The following POU2F3 variants were observed in gnomAD, a reference collection of about 807,000 sequenced individuals.
POU2F3 encodes POU domain, class 2, transcription factor 3.
A neutral mutation model predicts 59.2 loss-of-function variants in POU2F3; 23 were observed. The ratio of observed to expected loss-of-function variants is 0.39; its 90% confidence interval spans 0.28 to 0.55. POU2F3 has a LOEUF of 0.55. Among genes scored for constraint, POU2F3 ranks in the 20% least tolerant of loss-of-function variants. The pLI is 0.66. For synonymous variants in POU2F3, 190 were observed against 214.6 expected, an observed-to-expected ratio of 0.89 and a Z score of 1.00; for missense variants, 473 against 544.5, an observed-to-expected ratio of 0.87 and a Z score of 1.31.
At chr11:120,240,066 T>C (rs10892553), upstream of POU2F3, 260,131 of 1,098,322 alleles carry the variant, frequency 0.24, 39,649 homozygotes, top group East Asian at 0.77. Flanking sequence ...TGCATGGGCC[T>C]GGGGCCAGGC....
chr11:120,272,868 C>T (rs1184007916), intron 3 of POU2F3, among the ~76,000 whole-genome samples: 6 of 151,976 alleles, frequency 3.9e-5, no homozygotes, highest in African/African-American at 1.5e-4. Flanking sequence ...GCTGTCTGTC[C>T]CTCACTAGTT....
chr11:120,252,228 A>C (rs1296948143), intron 2 of POU2F3, among the ~76,000 whole-genome samples: 12 of 125,122 alleles, frequency 9.6e-5, no homozygotes, highest in Non-Finnish European at 1.3e-4. Flanking sequence ...TTTTTTTGAG[A>C]TGGAGTCTTG....
intron 10 of POU2F3, among the ~76,000 whole-genome samples, 176 bp from the exon 11 acceptor site, chr11:120,315,185 C>T (rs536935645): frequency 2.6e-5 from 4 of 152,296 alleles, no homozygotes; most frequent in African/African-American, 9.6e-5. Flanking sequence ...TTCTGGATGC[C>T]AGTATGTGGT....
At chr11:120,240,053 CT>C, upstream of POU2F3, 6 of 1,063,560 alleles carry the variant, frequency 5.6e-6, no homozygotes, top group South Asian at 2.8e-4. Flanking sequence ...CAAATCACTG[CT>C]TTGCATGGGC....
chr11:120,269,371 A>G, intron 3 of POU2F3, 127 bp downstream of exon 3: 1 of 752,700 alleles, frequency 1.3e-6, no homozygotes. Flanking sequence ...CCAACCTTTC[A>G]GGATCAAAGG....
intron 2 of POU2F3, chr11:120,265,575 C>G (rs1167536985): frequency 6.6e-6 from 1 of 152,228 alleles, no homozygotes; most frequent in Non-Finnish European, 1.5e-5. Flanking sequence ...GGGGCCACGG[C>G]CAAACTTCCG....
chr11:120,244,664 C>T (rs1938798740), intron 1 of POU2F3, among the ~76,000 whole-genome samples: 2 of 152,212 alleles, frequency 1.3e-5, no homozygotes, highest in Non-Finnish European at 2.9e-5. Flanking sequence ...AGGGCCTCTT[C>T]TCAGCACTGT....
At position 120,249,505 on chromosome 11, in the gene POU2F3, G is replaced by A. The variant is rs115263832; in HGVS notation, c.97+2988G>A. On this transcript the variant is annotated intron_variant, in intron 2 of 12. Transcript: ENST00000543440. Reference sequence around the variant, plus strand: ...GACTACAGGCATGAGCCACCGCACCGGGACTTTTCTCCACTCTTGAGGCTG... The same window carrying A: ...GACTACAGGCATGAGCCACCGCACCAGGACTTTTCTCCACTCTTGAGGCTG... Among the ~76,000 whole-genome samples, 796 of 152,206 alleles carry A rather than the reference G, an allele frequency of 5.2e-3. 12 individuals carry two copies. The highest frequency in any genetic ancestry group is 0.018 in the African/African-American group (729 of 41,524).
chr11:120,305,250 G>C, intron 7 of POU2F3, 38 bp downstream of exon 7: 3 of 1,596,170 alleles, frequency 1.9e-6, no homozygotes, highest in Non-Finnish European at 2.6e-6. Flanking sequence ...AAGTCTAGCC[G>C]AGCGGCTGGA....
intron 3 of POU2F3, among the ~76,000 whole-genome samples, chr11:120,280,614 C>CAG (rs560870381): frequency 0.027 from 4,073 of 148,718 alleles, 76 homozygotes; most frequent in Middle Eastern, 0.054. Flanking sequence ...AGAGGACAGA[C>CAG]AGAGAGAGAG....
rs1185277857 is a variant in POU2F3 at position 120,285,628 on chromosome 11, C to T, written c.133-12637C>T. 6.6e-6 allele frequency among the ~76,000 whole-genome samples: 1 copy of T among 152,196 alleles called. No homozygotes were observed. Among genetic ancestry groups the T allele is most frequent in the Non-Finnish European group, 1.5e-5 (1 of 68,030 alleles). ...AAGATTATTTTTATCCCTGTTCATG[C>T]TCAGTCCTCTTCCCAGAGGTAACTC... On this transcript the variant is annotated intron_variant, in intron 3 of 12. Coordinates refer to ENST00000543440, the MANE Select transcript of POU2F3 (RefSeq NM_014352.4). This position sits in a 1 kb window ranked among gnomAD's most constrained non-coding sequence, Gnocchi z 4.3.
At chr11:120,243,798 T>C (rs1481295851) in intron 1 of POU2F3, among the ~76,000 whole-genome samples, 1 of 152,216 alleles carries the variant, frequency 6.6e-6, no homozygotes, top group Non-Finnish European at 1.5e-5. Context: ...AGAGGCTTGA[T>C]AGGTTATCTC....
At chr11:120,260,723 C>A (rs1399991784) in intron 2 of POU2F3, among the ~76,000 whole-genome samples, 1 of 152,080 alleles carries the variant, frequency 6.6e-6, no homozygotes, top group Non-Finnish European at 1.5e-5. Flanking sequence ...GATATGCTGG[C>A]GTTGGGGGGT....
chr11:120,281,067 C>A (rs1349239870), intron 3 of POU2F3, among the ~76,000 whole-genome samples: 2 of 152,158 alleles, frequency 1.3e-5, no homozygotes, highest in African/African-American at 2.4e-5. Context: ...CGTCTTCTCC[C>A]AGAATCATAG....
intron 11 of POU2F3, 171 bp from the exon 12 acceptor site, chr11:120,317,058 G>T (rs946875959): frequency 7.0e-6 from 5 of 712,850 alleles, no homozygotes; most frequent in Non-Finnish European, 1.2e-5. Context: ...TCTGGGTGTG[G>T]GCAGAAGTTG....
At chr11:120,299,757 A>G (rs1190217216) in intron 5 of POU2F3, 31 bp downstream of exon 5, 1 of 1,566,998 alleles carries the variant, frequency 6.4e-7, no homozygotes, top group East Asian at 2.2e-5. Context: ...CACCTAGACC[A>G]AGTCCAGTCA....
chr11:120,304,333 A>AAAAAAAAAG, intron 6 of POU2F3: 1 of 145,152 alleles, frequency 6.9e-6, no homozygotes. Flanking sequence ...CCTGATTCAA[A>AAAAAAAAAG]AAAAAAAAGA....
intron 11 of POU2F3, among the ~76,000 whole-genome samples, chr11:120,315,918 G>T (rs1031320997): frequency 7.0e-6 from 1 of 143,420 alleles, no homozygotes; most frequent in East Asian, 2.0e-4. Flanking sequence ...TGTTGCCCAG[G>T]CTGCAGTGCA....
chr11:120,280,927 G>T (rs955844640), intron 3 of POU2F3, among the ~76,000 whole-genome samples: 2 of 152,130 alleles, frequency 1.3e-5, no homozygotes, highest in South Asian at 2.1e-4. Context: ...GGGCCTGTGC[G>T]TGAGAAGGGT....
Sources: allele counts gnomAD v4.1 joint callset (sites outside exome capture counted in the v4.1 genomes callset), GRCh38; gene constraint gnomAD v4.1.1; non-coding constraint Gnocchi (gnomAD v3.1); transcripts MANE v1.5; gene names NCBI Gene and HGNC (gene_info 2026-07-23, HGNC 2026-07-21).